Variants in GRM7 observed in about 807,000 individuals in gnomAD.
GRM7 encodes metabotropic glutamate receptor 7.
In GRM7, 35 loss-of-function variants were observed where a neutral mutation model predicts 84.5. That is an observed-to-expected ratio of 0.41 (90% CI 0.32 to 0.55). The LOEUF is 0.55. Among genes scored for constraint, GRM7 ranks in the 20% least tolerant of loss-of-function variants. The probability of loss-of-function intolerance (pLI) is 0.19; values close to 1 mark genes in which losing one functional copy is unlikely to be tolerated. For synonymous variants in GRM7, 487 were observed against 455.1 expected, an observed-to-expected ratio of 1.07 and a Z score of -0.89; for missense variants, 1,003 against 1,194.6, an observed-to-expected ratio of 0.84 and a Z score of 2.36.
intron 5 of GRM7, among the ~76,000 whole-genome samples, chr3:7,437,025 A>T (rs1452324068): frequency 6.6e-6 from 1 of 152,166 alleles, no homozygotes; most frequent in Admixed American, 6.5e-5. Context: ...AGTCCAATGT[A>T]TACTCCTTAC....
At chr3:7,037,715 A>G (rs1696434945) in intron 1 of GRM7, among the ~76,000 whole-genome samples, 1 of 152,196 alleles carries the variant, frequency 6.6e-6, no homozygotes, top group African/African-American at 2.4e-5. Flanking sequence ...AACAAGGAAA[A>G]TATATTTGGT....
intron 7 of GRM7, chr3:7,561,334 CA>C: frequency 7.0e-6 from 2 of 284,420 alleles, no homozygotes; most frequent in Non-Finnish European, 1.4e-5. Flanking sequence ...GATTTATACA[CA>C]AATTTATACT....
intron 5 of GRM7, among the ~76,000 whole-genome samples, chr3:7,421,091 A>C (rs1696373858): frequency 6.6e-6 from 1 of 152,228 alleles, no homozygotes; most frequent in African/African-American, 2.4e-5. Flanking sequence ...ACATTAAATC[A>C]TAGTAAGTGT....
At chr3:7,325,624 C>T (rs1178388555) in intron 4 of GRM7, among the ~76,000 whole-genome samples, 19 of 152,142 alleles carry the variant, frequency 1.2e-4, no homozygotes, top group Admixed American at 8.5e-4. Context: ...AGGAGACCAG[C>T]GGAGTACCAA....
At chr3:7,219,471 A>C (rs1043209353) in intron 2 of GRM7, among the ~76,000 whole-genome samples, 2 of 152,212 alleles carry the variant, frequency 1.3e-5, no homozygotes, top group African/African-American at 4.8e-5. Flanking sequence ...TGAAGTGAAA[A>C]TGTTGAGTGT....
chr3:7,452,408 A>G (rs561792214), intron 5 of GRM7, among the ~76,000 whole-genome samples, 199 bp from the exon 6 acceptor site: 35 of 152,324 alleles, frequency 2.3e-4, no homozygotes, highest in African/African-American at 8.4e-4. Flanking sequence ...GCTATTAGAG[A>G]AACCTAACAT....
Position 7,677,655 on chromosome 3 carries a change from G to A in GRM7, c.2452-2394G>A, listed in dbSNP as rs113670879. Among the ~76,000 whole-genome samples, 4 of 152,280 alleles carry A rather than the reference G, an allele frequency of 2.6e-5. 1 individual carries two copies. The highest frequency in any genetic ancestry group is 7.2e-5 in the African/African-American group (3 of 41,560). ...TTAAATGAAAATCAAAGTCTTGATG[G>A]TCTCTAGTTTAAAAATGATGAAACT... is the stretch of plus-strand genomic sequence containing the variant. On this transcript the variant is annotated intron_variant, in intron 8 of 9. Coordinates refer to ENST00000357716, the MANE Select transcript of GRM7 (RefSeq NM_000844.4).
At position 7,176,374 on chromosome 3, in the gene GRM7, G is replaced by A. The variant is rs529882490; in HGVS notation, c.736+29706G>A. On this transcript the variant is annotated intron_variant, in intron 2 of 9. Coordinates refer to ENST00000357716, the MANE Select transcript of GRM7 (RefSeq NM_000844.4). Reference sequence around the variant, plus strand: ...TGCTGCAGTGACCTGTGGTGATAGTGCCACTTCACTCCAGTCTGGGTGACA... The same window carrying A: ...TGCTGCAGTGACCTGTGGTGATAGTACCACTTCACTCCAGTCTGGGTGACA... Among the ~76,000 whole-genome samples, 37 of 151,324 alleles carry A rather than the reference G, an allele frequency of 2.4e-4. No individual in the cohort carries two copies. The Middle Eastern group carries it at 0.01, about 42-fold the overall frequency.
chr3:6,925,033 T>C (rs1049213880), intron 1 of GRM7, among the ~76,000 whole-genome samples: 1 of 152,112 alleles, frequency 6.6e-6, no homozygotes, highest in Non-Finnish European at 1.5e-5. Flanking sequence ...AAAGGACAAA[T>C]ATTTTTTACT....
intron 9 of GRM7, among the ~76,000 whole-genome samples, chr3:7,713,119 G>GTTTTTTTTTTT (rs1553640882): frequency 1.8e-5 from 1 of 55,642 alleles, no homozygotes; most frequent in Non-Finnish European, 3.6e-5. Flanking sequence ...TTCGAATTTT[G>GTTTTTTTTTTT]TTTTGTTTTT....
intron 7 of GRM7, among the ~76,000 whole-genome samples, chr3:7,525,594 G>T (rs952378228): frequency 2.0e-5 from 3 of 152,060 alleles, no homozygotes; most frequent in African/African-American, 7.2e-5. Flanking sequence ...ACATGTGAAG[G>T]TTTGTTGCAA....
At chr3:7,644,977 A>G (rs1214388247) in intron 8 of GRM7, among the ~76,000 whole-genome samples, 1 of 151,994 alleles carries the variant, frequency 6.6e-6, no homozygotes, top group Non-Finnish European at 1.5e-5. Flanking sequence ...TTGAAGCTTC[A>G]TTGACCAGGA....
chr3:7,415,171 A>C lies in GRM7; in HGVS notation c.1174+8A>C. On this transcript the variant is annotated splice_region_variant and intron_variant, in intron 5 of 9. Coordinates refer to ENST00000357716, the MANE Select transcript of GRM7 (RefSeq NM_000844.4). ...CAGATCGCAAATGCACAGGTAATTT[A>C]ATTCTCGTTGTCCTTCTCCTATTAC... 1 of 1,611,142 alleles carries C rather than the reference A, an allele frequency of 6.2e-7. No individual in the cohort carries two copies. Among genetic ancestry groups the C allele is most frequent in the Non-Finnish European group, 8.5e-7 (1 of 1,177,596 alleles).
intron 4 of GRM7, among the ~76,000 whole-genome samples, chr3:7,341,065 C>T (rs371937869): frequency 6.6e-6 from 1 of 152,132 alleles, no homozygotes; most frequent in Admixed American, 6.6e-5. Context: ...CAATGCTTCT[C>T]TTTGTTCTTT....
At chr3:7,485,555 G>GA (rs1391723702) in intron 7 of GRM7, among the ~76,000 whole-genome samples, 3 of 152,102 alleles carry the variant, frequency 2.0e-5, no homozygotes, top group Non-Finnish European at 4.4e-5. Flanking sequence ...AAATAAGTTG[G>GA]AAAAATTAAT....
chr3:7,366,105 T>C (rs569586781), intron 4 of GRM7, among the ~76,000 whole-genome samples: 1 of 151,902 alleles, frequency 6.6e-6, no homozygotes, highest in East Asian at 1.9e-4. Flanking sequence ...CTACCTTTCC[T>C]GAGTCCTAAC....
At chr3:7,221,992 A>T (rs942268962) in intron 2 of GRM7, among the ~76,000 whole-genome samples, 12 of 151,812 alleles carry the variant, frequency 7.9e-5, no homozygotes, top group Non-Finnish European at 1.5e-4. Context: ...TATTTTTAGT[A>T]GAGACGGGGT....
chr3:7,228,881 A>T (rs761622454), intron 2 of GRM7, among the ~76,000 whole-genome samples: 1 of 152,270 alleles, frequency 6.6e-6, no homozygotes, highest in African/African-American at 2.4e-5. Flanking sequence ...GATGTGATGA[A>T]GATGTGGTCA....
intron 8 of GRM7, among the ~76,000 whole-genome samples, chr3:7,589,857 C>G (rs938938648): frequency 6.6e-6 from 1 of 152,172 alleles, no homozygotes; most frequent in Admixed American, 6.5e-5. Flanking sequence ...AATTGTCTCT[C>G]TAATGTGCCT....
Sources: gnomAD v4.1 joint callset for allele counts (sites outside exome capture counted in the v4.1 genomes callset) on GRCh38, gnomAD v4.1.1 for gene constraint, MANE v1.5 for transcripts, NCBI Gene and HGNC (gene_info 2026-07-23, HGNC 2026-07-21) for gene names.